ZNF263: variants seen among roughly 807,000 people sequenced by gnomAD.
The protein encoded by ZNF263 is zinc finger protein 263.
Under a neutral mutation model 63.1 loss-of-function variants are expected in ZNF263, and 49 were observed. The observed-to-expected ratio is 0.78, with a 90% CI of 0.62 to 0.99. The LOEUF (loss-of-function observed/expected upper bound fraction) is 0.99, where lower values mean the gene tolerates loss of function less well. Ranked by LOEUF, ZNF263 falls within the 50% of genes least tolerant of loss-of-function variation. The pLI, the probability that ZNF263 is intolerant of heterozygous loss-of-function variation, is 0.00. For synonymous variants in ZNF263, 352 were observed against 324.2 expected (o/e 1.09, Z -0.92); for missense variants, 872 against 854.8 (o/e 1.02, Z -0.25).
At chr16:3,285,007 C>T in intron 1 of ZNF263, 52 bp from the exon 2 acceptor site, 2 of 1,597,788 alleles carry the variant, frequency 1.3e-6, no homozygotes, top group South Asian at 2.2e-5. Context: ...ATACTAATTT[C>T]CCTTCCTCTT....
intron 2 of ZNF263, chr16:3,300,201 T>C: frequency 6.2e-7 from 1 of 1,614,248 alleles, no homozygotes; most frequent in East Asian, 2.2e-5. Context: ...CACATCCTTT[T>C]CGGTTCCCAA....
rs930081301 is a variant in ZNF263, at chr16:3,290,886, A to C, written c.*328A>C. Reference sequence around the variant, plus strand: ...GCACCTGACTGTCCAGTTTACCTTAACAAGTTTGGGAATCCATGTGATGTT... The same window carrying C: ...GCACCTGACTGTCCAGTTTACCTTACCAAGTTTGGGAATCCATGTGATGTT... On this transcript the variant is annotated 3_prime_UTR_variant, in exon 6 of 6. Coordinates refer to ENST00000219069, the MANE Select transcript of ZNF263 (RefSeq NM_005741.5). The C allele has an allele frequency of 9.5e-6, 10 of 1,054,644 alleles. No individual in the cohort carries two copies. Among genetic ancestry groups the C allele is most frequent in the East Asian group, 7.0e-5 (1 of 14,388 alleles). 65.3% of individuals were successfully genotyped at this position (1,054,644 alleles called of 1,614,324 possible).
downstream of ZNF263, among the ~76,000 whole-genome samples, chr16:3,296,220 C>T (rs1959739884): frequency 6.6e-6 from 1 of 152,192 alleles, no homozygotes. Context: ...TTGTCTAGTA[C>T]ATGAAACAGT....
At chr16:3,300,728 G>A (rs1959916924) in intron 2 of ZNF263, 1 of 1,458,260 alleles carries the variant, frequency 6.9e-7, no homozygotes, top group Non-Finnish European at 9.1e-7. Context: ...GCCCCAGAAG[G>A]CATGGGCATT....
rs770606010 is a variant in ZNF263, at chr16:3,285,056, C to T, written c.388-3C>T. ...ATGATGAGTGATGTGGGTTGGTTCC[C>T]AGGTCACAAACCATGGGCGGGGAAC... On this transcript the variant is annotated splice_region_variant and splice_polypyrimidine_tract_variant and intron_variant, in intron 1 of 5. Transcript: ENST00000219069. 17 of 1,613,880 alleles carry T rather than the reference C, an allele frequency of 1.1e-5. No homozygotes were observed. The highest frequency in any genetic ancestry group is 1.3e-5 in the African/African-American group (1 of 74,926).
chr16:3,296,743 AT>A (rs1307544898), intron 1 of ZNF263, among the ~76,000 whole-genome samples: 6 of 152,134 alleles, frequency 3.9e-5, no homozygotes, highest in African/African-American at 1.4e-4. Flanking sequence ...ATCACTACTA[AT>A]AAAAAAGGAA....
At chr16:3,285,644 G>C (rs746799200) in intron 2 of ZNF263, 37 bp from the exon 3 acceptor site, 23 of 1,602,792 alleles carry the variant, frequency 1.4e-5, no homozygotes, top group Middle Eastern at 1.6e-4. Flanking sequence ...CCAAGAGTTA[G>C]GAATGCCATT....
Position 3,290,116 on chromosome 16 carries a change from A to C in ZNF263, c.1610A>C (p.Glu537Ala), listed in dbSNP as rs1043065693. 2 of 1,614,122 alleles carry C rather than the reference A, an allele frequency of 1.2e-6. No homozygotes were observed. The highest frequency in any genetic ancestry group is 3.3e-5 in the Admixed American group (2 of 60,022). Residue 537 changes from glutamate (E) to alanine (A), a missense_variant, in exon 6 of 6, where the codon GAA (glutamate) becomes GCA (alanine). Transcript: ENST00000219069. ...CGGAGTTCACACCTCGTCATTCACG[A>C]AAGAACTCATGAGAGAGAGAGACTT... ...FSRSSHLVIH[E>A]RTHERERLYP...
chr16:3,284,261 A>G, intron 1 of ZNF263, 56 bp downstream of exon 1: 1 of 1,455,978 alleles, frequency 6.9e-7, no homozygotes, highest in Non-Finnish European at 9.1e-7. Context: ...GAGCACTGGG[A>G]CATTGCGCCC....
chr16:3,288,206 C>T (rs917688595), intron 4 of ZNF263, among the ~76,000 whole-genome samples: 4 of 150,772 alleles, frequency 2.7e-5, no homozygotes, highest in African/African-American at 9.8e-5. Context: ...GAGCGGAGAT[C>T]GTGCCACTGC....
chr16:3,301,228 C>G (rs1358260325), exon 3 of ZNF263: 1 of 167,120 alleles, frequency 6.0e-6, no homozygotes, highest in African/African-American at 2.4e-5. Context: ...GGCAGCAGTT[C>G]ATCTACCTGG....
At chr16:3,295,787 A>G (rs768144196), downstream of ZNF263, among the ~76,000 whole-genome samples, 5 of 152,236 alleles carry the variant, frequency 3.3e-5, no homozygotes, top group Admixed American at 6.5e-5. Context: ...CAGAAGGCGA[A>G]GGGAGCCTGG....
In ZNF263 at chr16:3,290,151, T is replaced by C. The variant is rs1339436553; in HGVS notation, c.1645T>C (p.Ser549Pro). The change falls in exon 6 of 6, where the codon TCT (serine) becomes CCT (proline). Residue 549 changes from serine to proline, a missense_variant. Transcript: ENST00000219069. ...THERERLYPFSECGEAVSDST... is the reference protein window; with the variant it reads ...THERERLYPFPECGEAVSDST... ...TGAGAGAGAGAGACTTTACCCCTTC[T>C]CTGAGTGTGGGGAAGCTGTGAGTGA... 1 of 1,614,148 alleles carries C rather than the reference T, an allele frequency of 6.2e-7. No homozygotes were observed. Among genetic ancestry groups the C allele is most frequent in the Non-Finnish European group, 8.5e-7 (1 of 1,180,012 alleles).
chr16:3,286,701 A>G (rs1959372212), intron 4 of ZNF263: 1 of 152,498 alleles, frequency 6.6e-6, no homozygotes, highest in Admixed American at 6.5e-5. Context: ...CATATCATAA[A>G]TTAAGATTTA....
At chr16:3,295,134 G>C (rs1959710208), downstream of ZNF263, among the ~76,000 whole-genome samples, 1 of 152,134 alleles carries the variant, frequency 6.6e-6, no homozygotes, top group South Asian at 2.1e-4. Flanking sequence ...TTTCAGGCTT[G>C]GGCAAAGCAG....
intron 2 of ZNF263, chr16:3,300,234 A>G: frequency 6.2e-7 from 1 of 1,614,222 alleles, no homozygotes; most frequent in Non-Finnish European, 8.5e-7. Flanking sequence ...TTCGAAATCT[A>G]AAAAGCCAAC....
intron 4 of ZNF263, 132 bp downstream of exon 4, chr16:3,286,281 A>C: frequency 7.4e-7 from 1 of 1,356,234 alleles, no homozygotes; most frequent in Non-Finnish European, 9.8e-7. Context: ...CCTTTGTCTA[A>C]AGTCCCCTGT....
chr16:3,285,853 C>A (rs1596369857), intron 3 of ZNF263, 99 bp downstream of exon 3: 1 of 1,520,666 alleles, frequency 6.6e-7, no homozygotes, highest in Non-Finnish European at 9.1e-7. Flanking sequence ...TCCCTTACCA[C>A]AGCGTCTCCC....
At chr16:3,285,967 C>T in intron 3 of ZNF263, 56 bp from the exon 4 acceptor site, 1 of 1,613,400 alleles carries the variant, frequency 6.2e-7, no homozygotes, top group African/African-American at 1.3e-5. Flanking sequence ...ACCCATGACT[C>T]TGCTTGAATT....
Sources: allele counts gnomAD v4.1 joint callset (sites outside exome capture counted in the v4.1 genomes callset), GRCh38; gene constraint gnomAD v4.1.1; transcripts MANE v1.5; gene names NCBI Gene and HGNC (gene_info 2026-07-23, HGNC 2026-07-21).